CDH12: variants seen among roughly 807,000 people sequenced by gnomAD.
CDH12 encodes the protein cadherin-12.
Under a neutral mutation model 74.1 loss-of-function variants are expected in CDH12, and 41 were observed. The observed-to-expected ratio is 0.55, with a 90% CI of 0.43 to 0.72. CDH12 has a LOEUF of 0.72. Among genes scored for constraint, CDH12 ranks in the 30% least tolerant of loss-of-function variants. CDH12 has a pLI of 0.00. For synonymous variants in CDH12, 399 were observed against 355.0 expected (o/e 1.12, Z -1.39); for missense variants, 945 against 977.2 (o/e 0.97, Z 0.44).
chr5:22,575,665 A>G (rs997144326), intron 1 of CDH12, among the ~76,000 whole-genome samples: 1 of 152,056 alleles, frequency 6.6e-6, no homozygotes, highest in Admixed American at 6.5e-5. Flanking sequence ...CCTGGGTTCA[A>G]GGGATTCACA....
chr5:21,816,039 C>T (rs772432816), intron 9 of CDH12, among the ~76,000 whole-genome samples: 2 of 152,012 alleles, frequency 1.3e-5, no homozygotes, highest in Non-Finnish European at 2.9e-5. Flanking sequence ...AAATACTCAG[C>T]ATCACTAGGT....
At chr5:22,672,438 G>A (rs1740953192) in intron 1 of CDH12, among the ~76,000 whole-genome samples, 1 of 151,822 alleles carries the variant, frequency 6.6e-6, no homozygotes, top group African/African-American at 2.4e-5. Context: ...TCTCATGAAG[G>A]GATTAATGCC....
intron 3 of CDH12, among the ~76,000 whole-genome samples, chr5:22,251,347 G>A (rs1387204828): frequency 2.0e-5 from 3 of 151,914 alleles, no homozygotes; most frequent in Non-Finnish European, 4.4e-5. Context: ...GTGTGAGAGG[G>A]GCATGTTTTG....
chr5:22,758,367 T>C (rs549292360), intron 1 of CDH12, among the ~76,000 whole-genome samples: 2 of 152,262 alleles, frequency 1.3e-5, no homozygotes, highest in East Asian at 3.9e-4. Flanking sequence ...AAGAAGACCA[T>C]TGACAGCCAC....
Position 21,822,776 on chromosome 5 carries a change from A to T in CDH12, c.815-5644T>A, listed in dbSNP as rs1748444880. 2.6e-5 allele frequency among the ~76,000 whole-genome samples: 4 copies of T among 152,188 alleles called. No individual in the cohort carries two copies. The South Asian group carries it at 8.3e-4, about 32-fold the overall frequency. On this transcript the variant is annotated intron_variant, in intron 8 of 14. Coordinates refer to ENST00000382254, the MANE Select transcript of CDH12 (RefSeq NM_004061.5). The stretch of plus-strand genomic sequence containing the variant: ...TTATATTTGCCCATTCTCGATTTTA[A>T]CTAACCATATACATGAATAAGAATT...
intron 3 of CDH12, among the ~76,000 whole-genome samples, chr5:22,241,810 T>C (rs1752761237): frequency 6.6e-6 from 1 of 152,018 alleles, no homozygotes; most frequent in African/African-American, 2.4e-5. Flanking sequence ...AAATTTATTT[T>C]ATTTAAATTA....
chr5:22,349,218 A>C (rs80211262), intron 3 of CDH12, among the ~76,000 whole-genome samples: 6,066 of 152,242 alleles, frequency 0.04, 401 homozygotes, highest in African/African-American at 0.14. Context: ...TCTGTTGTTT[A>C]TAAGCTGTCT....
chr5:22,694,543 A>G (rs1742248586), intron 1 of CDH12, among the ~76,000 whole-genome samples: 1 of 152,082 alleles, frequency 6.6e-6, no homozygotes. Context: ...TTATGTGATT[A>G]TTCTGTTTCT....
At chr5:22,111,532 A>G (rs542783278) in intron 4 of CDH12, among the ~76,000 whole-genome samples, 2 of 152,302 alleles carry the variant, frequency 1.3e-5, no homozygotes, top group South Asian at 4.1e-4. Flanking sequence ...TTTTTCATTT[A>G]CATAATCATA....
intron 10 of CDH12, among the ~76,000 whole-genome samples, chr5:21,784,522 AATT>A (rs772439603): frequency 1.1e-4 from 17 of 152,154 alleles, no homozygotes; most frequent in Non-Finnish European, 2.1e-4. Context: ...TTTCCCATAT[AATT>A]ATTATTACAC....
intron 4 of CDH12, among the ~76,000 whole-genome samples, chr5:22,105,806 GC>G (rs1744407424): frequency 6.6e-6 from 1 of 152,058 alleles, no homozygotes; most frequent in Admixed American, 6.6e-5. Context: ...TGACTTGATT[GC>G]CTCTACAAAG....
At chr5:21,932,572 T>A (rs1754889247) in intron 6 of CDH12, among the ~76,000 whole-genome samples, 1 of 152,054 alleles carries the variant, frequency 6.6e-6, no homozygotes, top group Non-Finnish European at 1.5e-5. Flanking sequence ...CAAATTATAA[T>A]TGCACATCAT....
chr5:22,135,047 C>T (rs1746376578), intron 4 of CDH12, among the ~76,000 whole-genome samples: 1 of 151,762 alleles, frequency 6.6e-6, no homozygotes, highest in Non-Finnish European at 1.5e-5. Context: ...GAGAGTGAAC[C>T]AGTGTAAGAG....
At chr5:22,176,140 T>C (rs1749326145) in intron 4 of CDH12, among the ~76,000 whole-genome samples, 1 of 152,022 alleles carries the variant, frequency 6.6e-6, no homozygotes, top group Admixed American at 6.6e-5. Context: ...ATCACATATA[T>C]ACACTTCGGG....
chr5:21,789,280 A>T (rs554286690), intron 10 of CDH12, among the ~76,000 whole-genome samples: 2 of 152,076 alleles, frequency 1.3e-5, no homozygotes, highest in Non-Finnish European at 2.9e-5. Context: ...AAGATATTAT[A>T]TCCCTTGACT....
intron 2 of CDH12, among the ~76,000 whole-genome samples, chr5:22,502,615 G>A (rs1384467703): frequency 6.6e-6 from 1 of 151,222 alleles, no homozygotes; most frequent in Non-Finnish European, 1.5e-5. Context: ...TAATCTCCCA[G>A]TCTATTGCCA....
chr5:22,787,566 A>G (rs950607903), intron 1 of CDH12, among the ~76,000 whole-genome samples: 11 of 152,222 alleles, frequency 7.2e-5, no homozygotes, highest in Admixed American at 7.2e-4. Context: ...TATTATAAAT[A>G]ATGTTTTAAA....
At chr5:21,840,684 C>A (rs1190049125) in intron 8 of CDH12, among the ~76,000 whole-genome samples, 3 of 151,844 alleles carry the variant, frequency 2.0e-5, no homozygotes, top group East Asian at 1.9e-4. Context: ...CAGAACAGAG[C>A]CCTCAGAAAT....
chr5:22,046,700 T>A (rs368038700), intron 5 of CDH12, among the ~76,000 whole-genome samples: 1 of 152,118 alleles, frequency 6.6e-6, no homozygotes, highest in South Asian at 2.1e-4. Context: ...TGCCATAAAG[T>A]GGGACATTTT....
Sources: allele counts gnomAD v4.1 joint callset (sites outside exome capture counted in the v4.1 genomes callset), GRCh38; gene constraint gnomAD v4.1.1; transcripts MANE v1.5; gene names NCBI Gene and HGNC (gene_info 2026-07-23, HGNC 2026-07-21).